TLK1: variants seen among roughly 807,000 people sequenced by gnomAD.
TLK1 encodes the protein serine/threonine-protein kinase tousled-like 1.
A neutral mutation model predicts 105.3 loss-of-function variants in TLK1; 24 were observed. The ratio of observed to expected loss-of-function variants is 0.23; its 90% confidence interval spans 0.17 to 0.32. The LOEUF (loss-of-function observed/expected upper bound fraction) is 0.32. Ranked by LOEUF, TLK1 falls within the 10% of genes least tolerant of loss-of-function variation. The pLI is 1.00. For synonymous variants in TLK1, 321 were observed against 310.4 expected, an observed-to-expected ratio of 1.03 and a Z score of -0.36; for missense variants, 558 against 910.5, an observed-to-expected ratio of 0.61 and a Z score of 4.98.
rs1332848969 is a variant in TLK1, at chr2:170,991,856, C to CTTT, written c.*1923_*1924insAAA. On this transcript the variant is annotated 3_prime_UTR_variant, in exon 21 of 21. Coordinates refer to ENST00000431350, the MANE Select transcript of TLK1 (RefSeq NM_012290.5). The stretch of plus-strand genomic sequence containing the variant: ...CAAAACTGAAAACTTGCAGGCAGCA[C>CTTT]GTAAAGCACTCAATCAATGCTAAGA... 11 of 152,056 alleles carry CTTT rather than the reference C, an allele frequency of 7.2e-5. No homozygotes were observed. The highest frequency in any genetic ancestry group is 2.7e-4 in the African/African-American group (11 of 41,500). The allele number at this position is 152,056 out of a possible 1,614,324, so 9.4% of individuals were successfully genotyped here.
intron 1 of TLK1, among the ~76,000 whole-genome samples, chr2:171,167,570 G>C (rs1395706355): frequency 3.9e-5 from 6 of 152,084 alleles, no homozygotes; most frequent in African/African-American, 7.2e-5. Context: ...ATCCTGAAGA[G>C]ATAGTTCCAA....
At chr2:171,046,438 A>C in intron 10 of TLK1, 76 bp from the exon 11 acceptor site, 1 of 1,414,442 alleles carries the variant, frequency 7.1e-7, no homozygotes, top group Non-Finnish European at 9.5e-7. Context: ...AAAATGCATA[A>C]AAAACATGAA....
intron 3 of TLK1, among the ~76,000 whole-genome samples, chr2:171,072,986 C>CA (rs1269023650): frequency 1.3e-5 from 2 of 150,650 alleles, no homozygotes; most frequent in East Asian, 3.9e-4. Flanking sequence ...ATAGCTATTG[C>CA]AAATGGGATT....
chr2:171,083,091 C>T (rs1688820459), intron 2 of TLK1, among the ~76,000 whole-genome samples: 2 of 152,148 alleles, frequency 1.3e-5, no homozygotes, highest in Admixed American at 6.5e-5. Context: ...GAACTGACTT[C>T]TATTAGCTGG....
intron 1 of TLK1, among the ~76,000 whole-genome samples, chr2:171,150,947 T>C (rs879795918): frequency 1.3e-5 from 2 of 152,086 alleles, no homozygotes; most frequent in Non-Finnish European, 2.9e-5. Context: ...GACAGAATAG[T>C]GTAACTGTTA....
chr2:171,096,132 A>G (rs1158120453), intron 2 of TLK1, among the ~76,000 whole-genome samples: 1 of 152,356 alleles, frequency 6.6e-6, no homozygotes, highest in East Asian at 1.9e-4. Flanking sequence ...ATAACCCTGA[A>G]GATTCCACCA....
chr2:171,054,856 A>G (rs62168995), intron 7 of TLK1: 3,270 of 312,494 alleles, frequency 0.01, 29 homozygotes, highest in Middle Eastern at 0.024. Flanking sequence ...GAATCAGTAA[A>G]CAGAACTGAC....
intron 2 of TLK1, among the ~76,000 whole-genome samples, chr2:171,110,718 G>C (rs1690125113): frequency 6.6e-6 from 1 of 152,120 alleles, no homozygotes; most frequent in African/African-American, 2.4e-5. Context: ...GCAACCTAGA[G>C]GAGTTGACTA....
chr2:171,157,820 C>A (rs974454396), intron 1 of TLK1, among the ~76,000 whole-genome samples: 9 of 152,192 alleles, frequency 5.9e-5, no homozygotes, highest in African/African-American at 1.2e-4. Flanking sequence ...TGTAAGTTCA[C>A]ATACATGTGT....
chr2:171,224,413 A>G (rs1415346343), intron 1 of TLK1, among the ~76,000 whole-genome samples: 1 of 151,894 alleles, frequency 6.6e-6, no homozygotes, highest in Non-Finnish European at 1.5e-5. Context: ...GGTTGCTTTG[A>G]TTATTCTGGG....
chr2:171,170,730 C>T (rs1692711879), intron 1 of TLK1, among the ~76,000 whole-genome samples: 1 of 152,184 alleles, frequency 6.6e-6, no homozygotes, highest in African/African-American at 2.4e-5. Flanking sequence ...AGAAATAAAC[C>T]TACGTTGTTT....
chr2:171,104,615 G>A (rs1429752856), intron 2 of TLK1, among the ~76,000 whole-genome samples: 2 of 152,136 alleles, frequency 1.3e-5, no homozygotes, highest in Non-Finnish European at 2.9e-5. Flanking sequence ...AGAGCTAAAA[G>A]AATAAAACTG....
Position 171,160,452 on chromosome 2 carries a change from C to G in TLK1, c.-24G>C, listed in dbSNP as rs931288388. On this transcript the variant is annotated 5_prime_UTR_variant, in exon 1 of 21. Transcript: ENST00000431350. The surrounding 1 kb of genome is among the most constrained non-coding windows in gnomAD (Gnocchi z 4.4). ...ATCAAGCTACTTTCTGGGAACCCGA[C>G]TCCCCCCCTGCGACGGCAGCGGCGG... 6.3e-7 allele frequency: 1 copy of G among 1,586,146 alleles called. No individual in the cohort carries two copies.
chr2:171,165,864 T>C (rs913043404), upstream of TLK1, among the ~76,000 whole-genome samples: 1 of 151,964 alleles, frequency 6.6e-6, no homozygotes, highest in Non-Finnish European at 1.5e-5. Context: ...TGAGCCGAGA[T>C]TGCACCACTG....
chr2:171,194,924 G>A (rs182329454), intron 1 of TLK1, among the ~76,000 whole-genome samples: 1 of 152,012 alleles, frequency 6.6e-6, no homozygotes, highest in African/African-American at 2.4e-5. Flanking sequence ...GAAACACAAG[G>A]TTCTTGGCAA....
chr2:171,059,886 C>T (rs771866906), intron 4 of TLK1: 26 of 1,039,552 alleles, frequency 2.5e-5, no homozygotes, highest in African/African-American at 3.1e-5. Flanking sequence ...GACAGGAGGC[C>T]GAGCTTAGGC....
At chr2:171,229,384 CT>C (rs1184500804) in intron 1 of TLK1, among the ~76,000 whole-genome samples, 1 of 152,168 alleles carries the variant, frequency 6.6e-6, no homozygotes, top group Non-Finnish European at 1.5e-5. Flanking sequence ...AAGATCAGAA[CT>C]TTTTTGACTT....
intron 12 of TLK1, among the ~76,000 whole-genome samples, chr2:171,015,416 AC>A (rs1362221441): frequency 7.3e-4 from 1 of 1,368 alleles, no homozygotes; most frequent in African/African-American, 2.1e-3. Context: ...TGGAGTACAA[AC>A]ACACACACAC....
chr2:170,993,936 C>T lies in TLK1; in HGVS notation c.2145G>A (p.Leu715=), dbSNP rs1398805074. 6.2e-7 allele frequency: 1 copy of T among 1,607,208 alleles called. No individual in the cohort carries two copies. Among genetic ancestry groups the T allele is most frequent in the Non-Finnish European group, 8.5e-7 (1 of 1,177,590 alleles). The change falls in exon 21 of 21, where the codon TTG becomes TTA. Residue 715 remains leucine, a synonymous_variant. Coordinates refer to ENST00000431350, the MANE Select transcript of TLK1 (RefSeq NM_012290.5). ...SEAKAFIRRC[L]AYRKEDRFDV... ...CAAATCGATCTTCTTTTCGATATGC[C>T]AAACAGCGTCTTATAAATGCCTCAA... is the stretch of plus-strand genomic sequence containing the variant.
Sources: gnomAD v4.1 joint callset for allele counts (sites outside exome capture counted in the v4.1 genomes callset) on GRCh38, gnomAD v4.1.1 for gene constraint, Gnocchi (gnomAD v3.1) non-coding constraint, MANE v1.5 for transcripts, NCBI Gene and HGNC (gene_info 2026-07-23, HGNC 2026-07-21) for gene names.